IL1RAPL1: variants seen among roughly 807,000 people sequenced by gnomAD.
IL1RAPL1 encodes the protein interleukin 1 receptor accessory protein like 1.
IL1RAPL1 carries 3 observed loss-of-function variants against 48.4 expected under a neutral mutation model. The ratio of observed to expected loss-of-function variants is 0.06; its 90% confidence interval spans 0.03 to 0.16. The LOEUF (loss-of-function observed/expected upper bound fraction) is 0.16, where lower values mean the gene tolerates loss of function less well. IL1RAPL1 is among the 10% of genes least tolerant of loss of function. The pLI is 1.00. For missense variants in IL1RAPL1, 349 were observed against 530.6 expected (o/e 0.66, Z 3.36); for synonymous variants, 185 against 187.7 (o/e 0.99, Z 0.12).
chrX:29,285,613 T>C (rs191707849), intron 3 of IL1RAPL1, among the ~76,000 whole-genome samples: 2 of 103,075 alleles, frequency 1.9e-5, no homozygotes, highest in Non-Finnish European at 3.9e-5. Flanking sequence ...TCCAAAATGA[T>C]GACACTTGCC....
At chrX:29,088,127 C>T (rs1336487297) in intron 2 of IL1RAPL1, among the ~76,000 whole-genome samples, 1 of 112,201 alleles carries the variant, frequency 8.9e-6, no homozygotes, top group Non-Finnish European at 1.9e-5. Flanking sequence ...TGTTTTTTAG[C>T]ACTCTATCTG....
At chrX:28,967,823 C>G (rs967626737) in intron 2 of IL1RAPL1, among the ~76,000 whole-genome samples, 5 of 112,140 alleles carry the variant, frequency 4.5e-5, no homozygotes, top group Non-Finnish European at 5.6e-5. Context: ...AGTCTTCCAC[C>G]TTAAAGATTA....
intron 3 of IL1RAPL1, among the ~76,000 whole-genome samples, chrX:29,291,566 C>T (rs751489478): frequency 9.1e-6 from 1 of 109,804 alleles, no homozygotes; most frequent in East Asian, 2.9e-4. Flanking sequence ...GCCCCACACC[C>T]CCCGACAGAC....
chrX:29,795,655 C>T (rs2147164716), intron 6 of IL1RAPL1, among the ~76,000 whole-genome samples: 1 of 113,190 alleles, frequency 8.8e-6, no homozygotes, highest in African/African-American at 3.2e-5. Flanking sequence ...AAGCGATCCA[C>T]CTGCCTCAGC....
intron 2 of IL1RAPL1, among the ~76,000 whole-genome samples, chrX:29,173,651 G>C (rs1390669606): frequency 8.9e-6 from 1 of 111,847 alleles, no homozygotes; most frequent in Non-Finnish European, 1.9e-5. Context: ...GAGGAAATTG[G>C]TTGTGAAGAG....
chrX:29,267,659 T>A lies in IL1RAPL1; in HGVS notation c.83-15279T>A, dbSNP rs373833176. 3.3e-4 allele frequency among the ~76,000 whole-genome samples: 37 copies of A among 111,753 alleles called. No homozygotes were observed. In the East Asian group the frequency reaches 5.0e-3, roughly 15 times the overall value. On this transcript the variant is annotated intron_variant, in intron 2 of 10. Transcript: ENST00000378993. ...TTTAAACACTGGAATAAAAAAAAAA[T>A]TCCATTTTCTGCATGAGTCAGTTTT...
intron 3 of IL1RAPL1, among the ~76,000 whole-genome samples, chrX:29,312,205 C>T (rs1932735800): frequency 2.7e-5 from 3 of 110,973 alleles, no homozygotes; most frequent in South Asian, 3.8e-4. Context: ...TTTGGGAGGC[C>T]GAGGAGGGTG....
At chrX:28,744,210 C>A (rs1459843349) in intron 1 of IL1RAPL1, among the ~76,000 whole-genome samples, 1 of 111,283 alleles carries the variant, frequency 9.0e-6, no homozygotes, top group African/African-American at 3.3e-5. Flanking sequence ...TTACATCTTT[C>A]CATGCACCTA....
chrX:29,157,290 T>C lies in IL1RAPL1; in HGVS notation c.83-125648T>C, dbSNP rs1219521379. ...TTTTATTGAAAGAAGACAATTCATT[T>C]GGAAGAAGTAATTGGGAGCAAGGGA... is the stretch of plus-strand genomic sequence containing the variant. On this transcript the variant is annotated intron_variant, in intron 2 of 10. Coordinates refer to ENST00000378993, the MANE Select transcript of IL1RAPL1 (RefSeq NM_014271.4). 3.6e-5 allele frequency among the ~76,000 whole-genome samples: 4 copies of C among 111,779 alleles called. No homozygotes were observed. In the East Asian group the frequency reaches 1.1e-3, roughly 31 times the overall value.
At chrX:29,082,594 C>T (rs1387319192) in intron 2 of IL1RAPL1, among the ~76,000 whole-genome samples, 1 of 111,919 alleles carries the variant, frequency 8.9e-6, no homozygotes, top group African/African-American at 3.3e-5. Flanking sequence ...GATAACCATG[C>T]ACCTTAAATT....
At chrX:29,057,400 ATGTT>A (rs1314918870) in intron 2 of IL1RAPL1, among the ~76,000 whole-genome samples, 3 of 102,752 alleles carry the variant, frequency 2.9e-5, no homozygotes, top group South Asian at 4.8e-4. Context: ...GAAGCAGATC[ATGTT>A]TGTTTGGCCT....
chrX:28,895,333 C>A (rs1042712127), intron 2 of IL1RAPL1, among the ~76,000 whole-genome samples: 11 of 109,972 alleles, frequency 1.0e-4, no homozygotes, highest in African/African-American at 3.0e-4. Flanking sequence ...AGGCTTTAAT[C>A]TTTTCAAAGC....
At chrX:29,730,265 T>C (rs1927881496) in intron 6 of IL1RAPL1, among the ~76,000 whole-genome samples, 1 of 112,170 alleles carries the variant, frequency 8.9e-6, no homozygotes, top group Admixed American at 9.4e-5. Context: ...TAACATTGCA[T>C]TATTTAGCCT....
chrX:29,280,893 G>A (rs985817941), intron 2 of IL1RAPL1, among the ~76,000 whole-genome samples: 3 of 112,144 alleles, frequency 2.7e-5, no homozygotes, highest in Non-Finnish European at 5.6e-5. Flanking sequence ...GCAGATGGTT[G>A]GCGAAAAATG....
At chrX:29,553,826 A>C (rs1474638552) in intron 5 of IL1RAPL1, among the ~76,000 whole-genome samples, 1 of 111,197 alleles carries the variant, frequency 9.0e-6, no homozygotes, top group Non-Finnish European at 1.9e-5. Flanking sequence ...TGTAGAGGCC[A>C]CCAGGAAATT....
chrX:28,979,997 G>T (rs898476104), intron 2 of IL1RAPL1, among the ~76,000 whole-genome samples: 1 of 112,207 alleles, frequency 8.9e-6, no homozygotes, highest in Non-Finnish European at 1.9e-5. Context: ...TTTGAACAAT[G>T]AGTATTGTAG....
chrX:29,620,403 T>A (rs917995818), intron 5 of IL1RAPL1, among the ~76,000 whole-genome samples: 1 of 111,591 alleles, frequency 9.0e-6, no homozygotes, highest in Admixed American at 9.5e-5. Flanking sequence ...CTGCACGGCA[T>A]GTTACTGTAC....
intron 6 of IL1RAPL1, among the ~76,000 whole-genome samples, chrX:29,750,880 A>G (rs1334974533): frequency 9.0e-6 from 1 of 111,226 alleles, no homozygotes; most frequent in African/African-American, 3.3e-5. Flanking sequence ...ATCTCATTGA[A>G]AAAAAGGATG....
intron 3 of IL1RAPL1, among the ~76,000 whole-genome samples, chrX:29,331,328 C>T (rs1337511529): frequency 1.8e-5 from 2 of 110,427 alleles, no homozygotes; most frequent in South Asian, 7.9e-4. Flanking sequence ...GGCCATTGCT[C>T]TGCCTCTCTC....
Sources: allele counts gnomAD v4.1 joint callset (sites outside exome capture counted in the v4.1 genomes callset), GRCh38; gene constraint gnomAD v4.1.1; transcripts MANE v1.5; gene names NCBI Gene and HGNC (gene_info 2026-07-23, HGNC 2026-07-21).